The following PRDM5 variants were observed in gnomAD, a reference collection of about 807,000 sequenced individuals.
PRDM5 encodes PR domain zinc finger protein 5.
A neutral mutation model predicts 81.2 loss-of-function variants in PRDM5; 56 were observed. The ratio of observed to expected loss-of-function variants is 0.69; its 90% CI spans 0.56 to 0.86. The LOEUF (loss-of-function observed/expected upper bound fraction) is 0.86, where lower values mean the gene tolerates loss of function less well. Among genes scored for constraint, PRDM5 ranks in the 40% least tolerant of loss-of-function variants. The pLI, the probability that PRDM5 is intolerant of heterozygous loss-of-function variation, is 0.00. For synonymous variants in PRDM5, 267 were observed against 256.4 expected, an observed-to-expected ratio of 1.04 and a Z score of -0.39; for missense variants, 697 against 770.1, an observed-to-expected ratio of 0.91 and a Z score of 1.12.
intron 2 of PRDM5, among the ~76,000 whole-genome samples, chr4:120,861,575 A>C (rs1760577998): frequency 6.6e-6 from 1 of 152,016 alleles, no homozygotes; most frequent in Admixed American, 6.6e-5. Context: ...AGGCGGGCAT[A>C]TCACTTGAGG....
chr4:120,901,772 G>T (rs1765250695), intron 2 of PRDM5, among the ~76,000 whole-genome samples: 1 of 152,132 alleles, frequency 6.6e-6, no homozygotes, highest in Admixed American at 6.6e-5. Flanking sequence ...GTTTGTATCT[G>T]GTTCTTTAGG....
At chr4:120,867,805 G>A in intron 2 of PRDM5, among the ~76,000 whole-genome samples, 1 of 152,216 alleles carries the variant, frequency 6.6e-6, no homozygotes, top group Non-Finnish European at 1.5e-5. Flanking sequence ...TTTGTCCAGA[G>A]ATATCTCACT....
chr4:120,687,336 A>G (rs182976872), downstream of PRDM5, among the ~76,000 whole-genome samples: 1 of 151,824 alleles, frequency 6.6e-6, no homozygotes, highest in East Asian at 1.9e-4. Flanking sequence ...TCTATTTTCT[A>G]TTAGTTTGGC....
At chr4:120,794,787 C>T (rs1751114663) in intron 10 of PRDM5, among the ~76,000 whole-genome samples, 1 of 152,084 alleles carries the variant, frequency 6.6e-6, no homozygotes, top group South Asian at 2.1e-4. Context: ...CAACACCCGG[C>T]TAATTTTTTT....
intron 2 of PRDM5, among the ~76,000 whole-genome samples, chr4:120,869,024 T>G (rs1025489658): frequency 2.0e-5 from 3 of 152,190 alleles, no homozygotes; most frequent in Non-Finnish European, 4.4e-5. Flanking sequence ...AATATAAAAC[T>G]ACTACCTTAA....
intron 2 of PRDM5, among the ~76,000 whole-genome samples, chr4:120,867,827 T>C (rs1046756112): frequency 2.0e-5 from 3 of 152,248 alleles, no homozygotes; most frequent in Admixed American, 1.3e-4. Flanking sequence ...CATTGGCAGC[T>C]GTTAGCACAA....
chr4:120,858,314 G>A (rs542593166), intron 2 of PRDM5, among the ~76,000 whole-genome samples: 48 of 152,216 alleles, frequency 3.2e-4, no homozygotes, highest in African/African-American at 9.1e-4. Flanking sequence ...CTTGCCTTCA[G>A]TGTTTAATTA....
intron 13 of PRDM5, among the ~76,000 whole-genome samples, chr4:120,768,042 G>A (rs1746643896): frequency 6.6e-6 from 1 of 152,106 alleles, no homozygotes; most frequent in African/African-American, 2.4e-5. Flanking sequence ...CCAGTCTTGG[G>A]TATATCTTTA....
intron 2 of PRDM5, among the ~76,000 whole-genome samples, chr4:120,870,218 A>G (rs1761633220): frequency 6.6e-6 from 1 of 152,194 alleles, no homozygotes; most frequent in South Asian, 2.1e-4. Context: ...CATCCCAACC[A>G]CATTAAGGTT....
intron 2 of PRDM5, among the ~76,000 whole-genome samples, chr4:120,873,308 A>G (rs1350559474): frequency 1.3e-5 from 2 of 152,034 alleles, no homozygotes; most frequent in Non-Finnish European, 2.9e-5. Context: ...CCTGACCACA[A>G]TTTTTAAGAA....
chr4:120,738,006 A>G lies in PRDM5; in HGVS notation c.1623+16547T>C, dbSNP rs189379019. Among the ~76,000 whole-genome samples the G allele has an allele frequency of 1.1e-3, 162 of 152,390 alleles. 1 individual carries two copies. The highest frequency in any genetic ancestry group is 3.7e-3 in the African/African-American group (153 of 41,592). ...GATGTGAGCTACAATTCCTGTCTAC[A>G]TGAAAGTCACAACCTAAAAAGGAGA... On this transcript the variant is annotated intron_variant, in intron 14 of 15. Transcript: ENST00000264808.
chr4:120,822,081 G>C (rs560270150), intron 3 of PRDM5, among the ~76,000 whole-genome samples: 1 of 152,294 alleles, frequency 6.6e-6, no homozygotes, highest in South Asian at 2.1e-4. Context: ...AGACACAGAA[G>C]AGGAATGCTA....
At chr4:120,823,829 A>G (rs1248403206) in intron 3 of PRDM5, among the ~76,000 whole-genome samples, 6 of 152,294 alleles carry the variant, frequency 3.9e-5, no homozygotes, top group African/African-American at 1.2e-4. Context: ...GTGATCCCCA[A>G]TGTTAGAGGT....
intron 10 of PRDM5, among the ~76,000 whole-genome samples, chr4:120,794,340 T>C (rs1330814697): frequency 6.6e-6 from 1 of 152,138 alleles, no homozygotes; most frequent in African/African-American, 2.4e-5. Flanking sequence ...CTTTTTTTTT[T>C]ACTATGTTAA....
At chr4:120,881,205 GA>G (rs1762811651) in intron 2 of PRDM5, among the ~76,000 whole-genome samples, 1 of 152,112 alleles carries the variant, frequency 6.6e-6, no homozygotes, top group African/African-American at 2.4e-5. Context: ...ATCACACAAA[GA>G]TTTTTTTGTC....
chr4:120,805,417 A>C (rs939614463), intron 8 of PRDM5, among the ~76,000 whole-genome samples: 1 of 152,214 alleles, frequency 6.6e-6, no homozygotes, highest in Non-Finnish European at 1.5e-5. Context: ...ATTTTGGACC[A>C]ATATCCCTGA....
chr4:120,916,668 C>T (rs562915049), intron 1 of PRDM5, among the ~76,000 whole-genome samples: 238 of 152,284 alleles, frequency 1.6e-3, no homozygotes, highest in African/African-American at 5.4e-3. Flanking sequence ...TCAAAAACAA[C>T]ATGCCTTAAA....
chr4:120,805,551 A>G (rs1324319173), intron 8 of PRDM5, among the ~76,000 whole-genome samples: 1 of 152,174 alleles, frequency 6.6e-6, no homozygotes, highest in Non-Finnish European at 1.5e-5. Context: ...TTCAACATAC[A>G]CAAATCAAAA....
At chr4:120,894,263 C>A (rs1764379898) in intron 2 of PRDM5, among the ~76,000 whole-genome samples, 1 of 152,146 alleles carries the variant, frequency 6.6e-6, no homozygotes, top group African/African-American at 2.4e-5. Context: ...GCTTTAATTA[C>A]AGTTACTTCC....
Sources: gnomAD v4.1 joint callset for allele counts (sites outside exome capture counted in the v4.1 genomes callset) on GRCh38, gnomAD v4.1.1 for gene constraint, MANE v1.5 for transcripts, NCBI Gene and HGNC (gene_info 2026-07-23, HGNC 2026-07-21) for gene names.